Variants in AIG1 observed in about 807,000 individuals in gnomAD.
AIG1 encodes the protein androgen induced 1, also known as androgen-induced gene 1 protein.
In AIG1, 23 loss-of-function variants were observed where a neutral mutation model predicts 31.4. The observed-to-expected ratio is 0.73, with a 90% CI of 0.53 to 1.04. The LOEUF is 1.04. Ranked by LOEUF, AIG1 falls within the 50% of genes least tolerant of loss-of-function variation. AIG1 has a pLI of 0.00. For synonymous variants in AIG1, 100 were observed against 110.5 expected, an observed-to-expected ratio of 0.90 and a Z score of 0.60; for missense variants, 274 against 295.0, an observed-to-expected ratio of 0.93 and a Z score of 0.52.
intron 1 of AIG1, among the ~76,000 whole-genome samples, chr6:143,118,121 G>T (rs1781894668): frequency 6.6e-6 from 1 of 152,160 alleles, no homozygotes; most frequent in Admixed American, 6.5e-5. Context: ...GGTCCACAAA[G>T]ATTAAAACAT....
chr6:143,113,764 A>G (rs897130313), intron 1 of AIG1, among the ~76,000 whole-genome samples: 3 of 151,866 alleles, frequency 2.0e-5, no homozygotes, highest in African/African-American at 7.3e-5. Flanking sequence ...GTCCATGTTT[A>G]TCTTATGTAA....
chr6:143,331,843 A>G lies in AIG1; in HGVS notation c.516-1439A>G, dbSNP rs566508382. On this transcript the variant is annotated intron_variant, in intron 4 of 5. Transcript: ENST00000357847. This position sits in a 1 kb window ranked among gnomAD's most constrained non-coding sequence, Gnocchi z 4.1. ...CAAAAATGAGGTACATGTGTAGGTA[A>G]TGTTTATTATTATTATTATTATTAT... Among the ~76,000 whole-genome samples, 1 of 130,238 alleles carries G rather than the reference A, an allele frequency of 7.7e-6. No individual in the cohort carries two copies. Among genetic ancestry groups the G allele is most frequent in the South Asian group, 2.8e-4 (1 of 3,620 alleles). 85.4% of individuals were successfully genotyped at this position (130,238 alleles called of 152,430 possible).
In AIG1 at chr6:143,338,934, C is replaced by T. The variant is rs1032612463; in HGVS notation, c.680-705C>T. On this transcript the variant is annotated intron_variant, in intron 5 of 5. Transcript: ENST00000357847. The surrounding 1 kb of genome is among the most constrained non-coding windows in gnomAD (Gnocchi z 4.3). Reference sequence around the variant, plus strand: ...GCACTTGCCAGATTTAACTATAATTCCTAAAAATGATGAACATTTTCATCT... The same window carrying T: ...GCACTTGCCAGATTTAACTATAATTTCTAAAAATGATGAACATTTTCATCT... The T allele has an allele frequency of 3.3e-5, 5 of 152,068 alleles. No individual in the cohort carries two copies. Among genetic ancestry groups the T allele is most frequent in the Admixed American group, 2.6e-4 (4 of 15,274 alleles). 9.4% of individuals were successfully genotyped at this position (152,068 alleles called of 1,614,324 possible).
At chr6:143,188,202 C>T (rs1309902196) in intron 3 of AIG1, 9 of 994,014 alleles carry the variant, frequency 9.1e-6, no homozygotes, top group East Asian at 1.1e-4. Flanking sequence ...AGCTGCCCAT[C>T]GATATGATTT....
Position 143,331,543 on chromosome 6 carries a change from T to G in AIG1, c.516-1739T>G, listed in dbSNP as rs1028268862. Among the ~76,000 whole-genome samples, 2 of 152,204 alleles carry G rather than the reference T, an allele frequency of 1.3e-5. No homozygotes were observed. Among genetic ancestry groups the G allele is most frequent in the African/African-American group, 4.8e-5 (2 of 41,430 alleles). Reference sequence around the variant, plus strand: ...GTAGCATGTATCAACATTTTACTCCTCTTTATGGCTGAGTAATATTCCATT... The same window carrying G: ...GTAGCATGTATCAACATTTTACTCCGCTTTATGGCTGAGTAATATTCCATT... On this transcript the variant is annotated intron_variant, in intron 4 of 5. Transcript: ENST00000357847. This position sits in a 1 kb window ranked among gnomAD's most constrained non-coding sequence, Gnocchi z 4.1.
intron 1 of AIG1, 49 bp downstream of exon 1, chr6:143,061,115 T>G: frequency 6.4e-7 from 1 of 1,551,322 alleles, no homozygotes; most frequent in Non-Finnish European, 8.8e-7. Context: ...TGCCTGTGTG[T>G]GCGTGTGTGT....
At chr6:143,310,653 G>A (rs1428708283) in intron 4 of AIG1, among the ~76,000 whole-genome samples, 2 of 149,960 alleles carry the variant, frequency 1.3e-5, no homozygotes, top group Admixed American at 6.6e-5. Context: ...AACAATAAAA[G>A]CCAAGGCTGA....
chr6:143,198,956 CT>C (rs1790476393), intron 3 of AIG1, among the ~76,000 whole-genome samples: 1 of 152,066 alleles, frequency 6.6e-6, no homozygotes, highest in Admixed American at 6.5e-5. Context: ...CTGTCCCAAT[CT>C]TTGATAAACC....
intron 3 of AIG1, among the ~76,000 whole-genome samples, chr6:143,232,958 C>G (rs752643724): frequency 6.6e-6 from 1 of 152,200 alleles, no homozygotes; most frequent in African/African-American, 2.4e-5. Context: ...TTCTTCTGTT[C>G]TGGGAGCTCC....
chr6:143,248,905 A>G (rs986637712), intron 3 of AIG1, among the ~76,000 whole-genome samples: 12 of 152,218 alleles, frequency 7.9e-5, no homozygotes, highest in African/African-American at 2.2e-4. Context: ...AAAAATTGAA[A>G]CAAAACAACC....
At chr6:143,313,716 A>G (rs1296858833) in intron 4 of AIG1, among the ~76,000 whole-genome samples, 1 of 152,138 alleles carries the variant, frequency 6.6e-6, no homozygotes, top group Non-Finnish European at 1.5e-5. Flanking sequence ...TTGCAACACA[A>G]ATGATAAATG....
At chr6:143,295,962 C>A (rs981248534) in intron 4 of AIG1, among the ~76,000 whole-genome samples, 4 of 151,980 alleles carry the variant, frequency 2.6e-5, no homozygotes, top group African/African-American at 9.7e-5. Flanking sequence ...CAATAAAATG[C>A]CACAGAAAAT....
intron 1 of AIG1, among the ~76,000 whole-genome samples, chr6:143,135,161 T>C (rs184821155): frequency 9.2e-5 from 14 of 152,232 alleles, no homozygotes; most frequent in African/African-American, 3.4e-4. Context: ...TGAGAAATGC[T>C]ACCTCATTGT....
At chr6:143,061,491 A>C in intron 1 of AIG1, 1 of 347,830 alleles carries the variant, frequency 2.9e-6, no homozygotes, top group Non-Finnish European at 5.7e-6. Flanking sequence ...ACTTGTTGCA[A>C]CTGAAGGAAA....
Position 143,325,177 on chromosome 6 carries a change from TACA to T in AIG1, c.516-8101_516-8099del, listed in dbSNP as rs1425658756. On this transcript the variant is annotated intron_variant, in intron 4 of 5. Transcript: ENST00000357847. The surrounding 1 kb of genome is among the most constrained non-coding windows in gnomAD (Gnocchi z 4.3). ...CTTTGAACCACTTGTCCCTTGGCTT[TACA>T]ACATCACACTTTTCTATTTTGCTTC... 1.3e-5 allele frequency among the ~76,000 whole-genome samples: 2 copies of T among 152,226 alleles called. No homozygotes were observed. The highest frequency in any genetic ancestry group is 2.9e-5 in the Non-Finnish European group (2 of 68,046).
chr6:143,138,588 CAATAGT>C (rs1783963303), intron 2 of AIG1, among the ~76,000 whole-genome samples: 1 of 151,940 alleles, frequency 6.6e-6, no homozygotes, highest in South Asian at 2.1e-4. Context: ...AGAAGGATTA[CAATAGT>C]AATACAATAA....
intron 3 of AIG1, among the ~76,000 whole-genome samples, chr6:143,199,104 C>T (rs1014147546): frequency 1.3e-5 from 2 of 152,052 alleles, no homozygotes; most frequent in African/African-American, 4.8e-5. Flanking sequence ...ATCAACAGTT[C>T]GTTTCTTGCA....
intron 3 of AIG1, among the ~76,000 whole-genome samples, chr6:143,210,125 T>C (rs1192371809): frequency 6.6e-6 from 1 of 152,194 alleles, no homozygotes; most frequent in Non-Finnish European, 1.5e-5. Flanking sequence ...TCTTTTGAGA[T>C]CTGACGAGTT....
chr6:143,290,859 A>G (rs1314581157), intron 4 of AIG1, among the ~76,000 whole-genome samples: 1 of 152,126 alleles, frequency 6.6e-6, no homozygotes, highest in Non-Finnish European at 1.5e-5. Flanking sequence ...CTTGGGGCTT[A>G]CAAGAGACAG....
Sources: allele counts gnomAD v4.1 joint callset (sites outside exome capture counted in the v4.1 genomes callset), GRCh38; gene constraint gnomAD v4.1.1; non-coding constraint Gnocchi (gnomAD v3.1); transcripts MANE v1.5; gene names NCBI Gene and HGNC (gene_info 2026-07-23, HGNC 2026-07-21).